Variants in DIP2C observed in about 807,000 individuals in gnomAD.
DIP2C encodes DIP2 acetate--CoA ligase C (putative).
DIP2C carries 33 observed loss-of-function variants against 192.4 expected under a neutral mutation model. The ratio of observed to expected loss-of-function variants is 0.17; its 90% confidence interval spans 0.13 to 0.23. The LOEUF is 0.23. DIP2C is among the 10% of genes least tolerant of loss of function. The probability of loss-of-function intolerance (pLI) is 1.00; values close to 1 mark genes in which losing one functional copy is unlikely to be tolerated. For missense variants in DIP2C, 1,537 were observed against 2,110.1 expected, an observed-to-expected ratio of 0.73 and a Z score of 5.32; for synonymous variants, 979 against 864.1, an observed-to-expected ratio of 1.13 and a Z score of -2.33.
rs116743918 is a variant in DIP2C, at chr10:454,505, G to A, written c.269-13509C>T. Among the ~76,000 whole-genome samples, 277 of 151,408 alleles carry A rather than the reference G, an allele frequency of 1.8e-3. 1 individual carries two copies. The highest frequency in any genetic ancestry group is 5.9e-3 in the African/African-American group (241 of 41,020). On this transcript the variant is annotated intron_variant, in intron 3 of 36. Coordinates refer to ENST00000280886, the MANE Select transcript of DIP2C (RefSeq NM_014974.3). ...TCATTATTGCAATGAGATATTCAGGGATAAAAGCATCAGCACCTATCAAAC... is the reference window on the plus strand; with the variant it reads ...TCATTATTGCAATGAGATATTCAGGAATAAAAGCATCAGCACCTATCAAAC...
intron 1 of DIP2C, among the ~76,000 whole-genome samples, chr10:535,823 T>A (rs1250944853): frequency 6.6e-6 from 1 of 152,236 alleles, no homozygotes; most frequent in African/African-American, 2.4e-5. Flanking sequence ...ATACGACACC[T>A]TGGGTCACAT....
At chr10:416,354 G>A (rs1223142658) in intron 6 of DIP2C, among the ~76,000 whole-genome samples, 1 of 151,980 alleles carries the variant, frequency 6.6e-6, no homozygotes, top group Non-Finnish European at 1.5e-5. Flanking sequence ...ATGGAGGCAC[G>A]AGAACATCGG....
chr10:281,340 G>C lies in DIP2C; in HGVS notation c.4295-17C>G, dbSNP rs779693461. On this transcript the variant is annotated splice_polypyrimidine_tract_variant and intron_variant, in intron 35 of 36. Transcript: ENST00000280886. ...CATGGCGCTCTGTGGAGTAATGACA[G>C]CCTGCGTAAGCTTCCCCATAATGCC... The C allele has an allele frequency of 6.3e-7, 1 of 1,593,330 alleles. No individual in the cohort carries two copies. Among genetic ancestry groups the C allele is most frequent in the Non-Finnish European group, 8.6e-7 (1 of 1,165,536 alleles).
chr10:572,741 C>T (rs921135639), intron 1 of DIP2C, among the ~76,000 whole-genome samples: 4 of 152,072 alleles, frequency 2.6e-5, no homozygotes, highest in African/African-American at 7.2e-5. Flanking sequence ...GTCACAGATG[C>T]GGGTTTTCCT....
At position 417,766 on chromosome 10, in the gene DIP2C, A is replaced by AGAGCTCGGACAGGCCTCCCTGTCTG. The variant is rs1564685296; in HGVS notation, c.739+1298_739+1299insCAGACAGGGAGGCCTGTCCGAGCTC. Among the ~76,000 whole-genome samples, 20 of 68,038 alleles carry AGAGCTCGGACAGGCCTCCCTGTCTG rather than the reference A, an allele frequency of 2.9e-4. 2 individuals are homozygous for AGAGCTCGGACAGGCCTCCCTGTCTG. Among genetic ancestry groups the AGAGCTCGGACAGGCCTCCCTGTCTG allele is most frequent in the South Asian group, 7.6e-4 (1 of 1,312 alleles). The allele number at this position is 68,038 out of a possible 152,430, so 44.6% of individuals were successfully genotyped here. A position where few individuals can be genotyped will look rare whatever the true frequency, so the allele number is the denominator to read the frequency against. ...AGGGCTCGGATAGGCATCCCTGTCC[A>AGAGCTCGGACAGGCCTCCCTGTCTG]CCTGCACCTGTCAGGGCTCGGATAG... On this transcript the variant is annotated intron_variant, in intron 6 of 36. Transcript: ENST00000280886.
intron 1 of DIP2C, among the ~76,000 whole-genome samples, chr10:580,027 G>GC (rs1564224821): frequency 1.3e-5 from 2 of 151,896 alleles, no homozygotes; most frequent in African/African-American, 4.8e-5. Flanking sequence ...GCATGTACAC[G>GC]CATCTCTATC....
At chr10:351,551 A>G (rs542748022) in intron 24 of DIP2C, among the ~76,000 whole-genome samples, 1 of 152,230 alleles carries the variant, frequency 6.6e-6, no homozygotes, top group East Asian at 1.9e-4. Context: ...TCTGAATTCA[A>G]CCTTCTCATC....
At chr10:440,495 A>C (rs1028033500) in intron 4 of DIP2C, among the ~76,000 whole-genome samples, 1 of 152,240 alleles carries the variant, frequency 6.6e-6, no homozygotes, top group African/African-American at 2.4e-5. Context: ...ACAATATAGC[A>C]CATTTATATG....
intron 3 of DIP2C, among the ~76,000 whole-genome samples, chr10:467,434 TGAC>T (rs1254541277): frequency 2.0e-5 from 3 of 149,508 alleles, no homozygotes; most frequent in African/African-American, 7.4e-5. Flanking sequence ...TAATGCTAGA[TGAC>T]GAGTTAGTGG....
At chr10:626,792 G>A (rs1189651338) in intron 1 of DIP2C, among the ~76,000 whole-genome samples, 1 of 150,334 alleles carries the variant, frequency 6.7e-6, no homozygotes, top group African/African-American at 2.5e-5. Context: ...AACACCCCAC[G>A]GTCACGCCGA....
chr10:299,365 C>T (rs1415290378), intron 32 of DIP2C, among the ~76,000 whole-genome samples: 3 of 152,232 alleles, frequency 2.0e-5, no homozygotes, highest in African/African-American at 4.8e-5. Flanking sequence ...CTCACCCTAG[C>T]ATCAGGCTTA....
At chr10:532,916 G>A (rs1264737390) in intron 1 of DIP2C, among the ~76,000 whole-genome samples, 2 of 152,134 alleles carry the variant, frequency 1.3e-5, no homozygotes, top group Non-Finnish European at 2.9e-5. Flanking sequence ...TCAGCCTCCC[G>A]AGTAGCTGGG....
At position 596,304 on chromosome 10, in the gene DIP2C, CTT is replaced by C. The variant is rs769399862; in HGVS notation, c.85+93188_85+93189del. On this transcript the variant is annotated intron_variant, in intron 1 of 36. Coordinates refer to ENST00000280886, the MANE Select transcript of DIP2C (RefSeq NM_014974.3). ...GTGGGTGCATCACCTGAGATCAGGA[CTT>C]TAAGACCAGCCTGGCCAACATGGTG... 1.5e-4 allele frequency among the ~76,000 whole-genome samples: 23 copies of C among 151,960 alleles called. No individual in the cohort carries two copies. In the East Asian group the frequency reaches 3.9e-3, roughly 26 times the overall value.
At chr10:396,830 GGGGGGGGAAACTGGCTGCAAATCCGGT>G (rs990726342) in intron 10 of DIP2C, among the ~76,000 whole-genome samples, 11 of 65,386 alleles carry the variant, frequency 1.7e-4, no homozygotes, top group East Asian at 4.4e-4. Context: ...ATCCGGTGGG[GGGGGGGGAAACTGGCTGCAAATCCGGT>G]GGGGGGGAAA....
intron 3 of DIP2C, among the ~76,000 whole-genome samples, chr10:464,981 C>T (rs907629594): frequency 6.6e-6 from 1 of 151,270 alleles, no homozygotes; most frequent in African/African-American, 2.4e-5. Flanking sequence ...GGTACCATTC[C>T]TTCTCAAACT....
chr10:560,021 A>T (rs1041550637), intron 1 of DIP2C, among the ~76,000 whole-genome samples: 9 of 41,250 alleles, frequency 2.2e-4, no homozygotes, highest in African/African-American at 7.7e-4. Flanking sequence ...CTCTCTCCCC[A>T]CCCCCTCCGG....
Position 283,379 on chromosome 10 carries a change from G to A in DIP2C, c.4187C>T (p.Ser1396Leu). The change falls in exon 35 of 37, where the codon TCA becomes TTA. Residue 1396 changes from serine to leucine, a missense_variant. Transcript: ENST00000280886. ...ACTTAGTCTTGAGTTGAAGTGATCT[G>A]ACTGGAGGGATTCGTCTCCGTAAAT... is the stretch of plus-strand genomic sequence containing the variant. ...FTIYGDESLQ[S>L]DHFNSRLSFG... 6.2e-7 allele frequency: 1 copy of A among 1,614,184 alleles called. No homozygotes were observed. Among genetic ancestry groups the A allele is most frequent in the East Asian group, 2.2e-5 (1 of 44,884 alleles).
At chr10:466,190 G>C (rs540315748) in intron 3 of DIP2C, among the ~76,000 whole-genome samples, 74 of 151,858 alleles carry the variant, frequency 4.9e-4, no homozygotes, top group African/African-American at 1.8e-3. Flanking sequence ...CCAAAACAGA[G>C]ATATAGATCA....
At chr10:514,877 G>C (rs768517820) in intron 1 of DIP2C, among the ~76,000 whole-genome samples, 3 of 152,100 alleles carry the variant, frequency 2.0e-5, no homozygotes, top group Non-Finnish European at 4.4e-5. Flanking sequence ...AAGTGAAGGG[G>C]GTAAAATTCT....
Sources: gnomAD v4.1 joint callset for allele counts (sites outside exome capture counted in the v4.1 genomes callset) on GRCh38, gnomAD v4.1.1 for gene constraint, MANE v1.5 for transcripts, NCBI Gene and HGNC (gene_info 2026-07-23, HGNC 2026-07-21) for gene names.